NPR1: variants seen among roughly 807,000 people sequenced by gnomAD.
NPR1 encodes the protein atrial natriuretic peptide receptor 1.
NPR1 carries 57 observed loss-of-function variants against 116.9 expected under a neutral mutation model. The ratio of observed to expected loss-of-function variants is 0.49; its 90% confidence interval spans 0.39 to 0.61. The LOEUF (loss-of-function observed/expected upper bound fraction) is 0.61. NPR1 is among the 20% of genes least tolerant of loss of function. NPR1 has a pLI of 0.00. For synonymous variants in NPR1, 555 were observed against 601.6 expected, an observed-to-expected ratio of 0.92 and a Z score of 1.13; for missense variants, 1,096 against 1,409.8, an observed-to-expected ratio of 0.78 and a Z score of 3.56.
chr1:153,680,541 C>A lies in NPR1; in HGVS notation c.762C>A (p.Leu254=). The change falls in exon 2 of 22, where the codon CTC becomes CTA. Residue 254 remains leucine, a synonymous_variant. Transcript: ENST00000368680. ...GCTCCCCTGATGCCTTCAGAACCCT[C>A]ATGCTCCTGGCCCTGGAAGCTGGCT... ...ICSSPDAFRT[L]MLLALEAGLC... is the part of the protein sequence containing the mutation. 1 of 1,614,234 alleles carries A rather than the reference C, an allele frequency of 6.2e-7. No homozygotes were observed. The highest frequency in any genetic ancestry group is 8.5e-7 in the Non-Finnish European group (1 of 1,180,050).
At position 153,680,514 on chromosome 1, in the gene NPR1, C is replaced by A. The variant is rs1223465318; in HGVS notation, c.735C>A (p.Cys245Ter). The change falls in exon 2 of 22, where the codon TGC (cysteine) becomes TGA (stop). Residue 245 changes from cysteine to a stop codon, truncating the protein, a stop_gained. Coordinates refer to ENST00000368680, the MANE Select transcript of NPR1 (RefSeq NM_000906.4). LOFTEE classifies it high-confidence loss of function. ...MPRKGRVIYICSSPDAFRTLM... is the reference protein window; with the variant it reads ...MPRKGRVIYI ...GTCTTTCTCCAGTTATCTACATCTG[C>A]AGCTCCCCTGATGCCTTCAGAACCC... is the stretch of plus-strand genomic sequence containing the variant. The A allele has an allele frequency of 1.9e-6, 3 of 1,614,140 alleles. No homozygotes were observed. The highest frequency in any genetic ancestry group is 4.5e-5 in the East Asian group (2 of 44,878).
chr1:153,682,091 G>C (rs983521685), intron 4 of NPR1, among the ~76,000 whole-genome samples: 1 of 150,604 alleles, frequency 6.6e-6, no homozygotes, highest in Non-Finnish European at 1.5e-5. Context: ...GTCTCGCTCT[G>C]TCCCCAAGAC....
Position 153,683,384 on chromosome 1 carries a change from G to A in NPR1, c.1272G>A (p.Leu424=), listed in dbSNP as rs1669836601. The change falls in exon 6 of 22, where the codon CTG becomes CTA. Residue 424 remains leucine (L), a synonymous_variant. Coordinates refer to ENST00000368680, the MANE Select transcript of NPR1 (RefSeq NM_000906.4). Reference sequence around the variant, plus strand: ...CTCCTGCTCTCCCTTAGGTTGTACTGAACTACAATGGGACTTCCCAAGAGC... The same window carrying A: ...CTCCTGCTCTCCCTTAGGTTGTACTAAACTACAATGGGACTTCCCAAGAGC... ...DPENGAFRVV[L]NYNGTSQELV... The A allele has an allele frequency of 6.2e-7, 1 of 1,613,974 alleles. No individual in the cohort carries two copies. Among genetic ancestry groups the A allele is most frequent in the Non-Finnish European group, 8.5e-7 (1 of 1,180,002 alleles).
chr1:153,690,131 T>A, intron 19 of NPR1, 151 bp downstream of exon 19: 7 of 600,524 alleles, frequency 1.2e-5, no homozygotes, highest in Non-Finnish European at 1.7e-5. Context: ...TCTCTCTCTC[T>A]CTCTCTCTCT....
Position 153,693,656 on chromosome 1 carries a change from G to T in NPR1, c.*242G>T, listed in dbSNP as rs1041317200. 6 of 449,942 alleles carry T rather than the reference G, an allele frequency of 1.3e-5. No homozygotes were observed. In the East Asian group the frequency reaches 1.7e-4, roughly 13 times the overall value. 27.9% of individuals were successfully genotyped at this position (449,942 alleles called of 1,614,324 possible). A position where few individuals can be genotyped will look rare whatever the true frequency, so the allele number is the denominator to read the frequency against. ...GGCCATGCACAGGGACACTCACACA[G>T]GCACACGCACCTGCTCTCCACCTGG... is the stretch of plus-strand genomic sequence containing the variant. On this transcript the variant is annotated 3_prime_UTR_variant, in exon 22 of 22. Coordinates refer to ENST00000368680, the MANE Select transcript of NPR1 (RefSeq NM_000906.4).
chr1:153,690,322 C>T lies in NPR1; in HGVS notation c.2971C>T (p.Arg991Cys). ...CAGVVGLKMPRYCLFGDTVNT... is the reference protein window; with the variant it reads ...CAGVVGLKMPCYCLFGDTVNT... ...TGGAGTGGTGGGACTGAAGATGCCC[C>T]GTTACTGTCTCTTTGGGGATACAGT... Residue 991 changes from arginine (R) to cysteine (C), a missense_variant, in exon 20 of 22, where the codon CGT (arginine) becomes TGT (cysteine). Transcript: ENST00000368680. 1 of 1,560,914 alleles carries T rather than the reference C, an allele frequency of 6.4e-7. No individual in the cohort carries two copies. Among genetic ancestry groups the T allele is most frequent in the Non-Finnish European group, 8.7e-7 (1 of 1,151,232 alleles).
intron 8 of NPR1, 34 bp from the exon 9 acceptor site, chr1:153,685,772 G>A (rs746588341): frequency 5.4e-5 from 85 of 1,577,750 alleles, no homozygotes; most frequent in African/African-American, 6.7e-5. Context: ...TGGGCCCACC[G>A]GCTGACCATT....
Position 153,693,066 on chromosome 1 carries a change from C to G in NPR1, c.3032-40C>G, listed in dbSNP as rs1670148708. ...TGCCTCTACTTTCCTGCTCTCCTCTCTCACATTGCTCACCTTCCCTTCTCC... is the reference window on the plus strand; with the variant it reads ...TGCCTCTACTTTCCTGCTCTCCTCTGTCACATTGCTCACCTTCCCTTCTCC... On this transcript the variant is annotated intron_variant, in intron 20 of 21. Transcript: ENST00000368680. 3 of 1,525,788 alleles carry G rather than the reference C, an allele frequency of 2.0e-6. No homozygotes were observed. The African/African-American group carries it at 4.1e-5, about 21-fold the overall frequency. 94.5% of individuals were successfully genotyped at this position (1,525,788 alleles called of 1,614,324 possible).
chr1:153,683,370 C>T lies in NPR1; in HGVS notation c.1264-6C>T, dbSNP rs527745547. ...TGGCCTAGCCACCACTCCTGCTCTCCCTTAGGTTGTACTGAACTACAATGG... is the reference window on the plus strand; with the variant it reads ...TGGCCTAGCCACCACTCCTGCTCTCTCTTAGGTTGTACTGAACTACAATGG... On this transcript the variant is annotated splice_polypyrimidine_tract_variant and splice_region_variant and intron_variant, in intron 5 of 21. Transcript: ENST00000368680. The T allele has an allele frequency of 5.6e-6, 9 of 1,613,790 alleles. No individual in the cohort carries two copies. In the East Asian group the frequency reaches 1.8e-4, roughly 32 times the overall value.
intron 6 of NPR1, 54 bp from the exon 7 acceptor site, chr1:153,683,686 C>T: frequency 6.3e-7 from 1 of 1,583,386 alleles, no homozygotes; most frequent in East Asian, 2.2e-5. Flanking sequence ...AAAGTTCTTC[C>T]TCCTGCTGTC....
At chr1:153,691,926 A>G (rs12057911) in intron 20 of NPR1, among the ~76,000 whole-genome samples, 1,684 of 151,886 alleles carry the variant, frequency 0.011, 31 homozygotes, top group African/African-American at 0.039. Context: ...GAAAAGAAAG[A>G]AACTGTTAAA....
chr1:153,681,682 C>T (rs1571345697), intron 3 of NPR1, 22 bp from the exon 4 acceptor site: 17 of 1,610,518 alleles, frequency 1.1e-5, no homozygotes, highest in South Asian at 2.2e-5. Flanking sequence ...CCACCCCAGC[C>T]GACCTCTGTT....
intron 15 of NPR1, 26 bp from the exon 16 acceptor site, chr1:153,688,927 C>A (rs1278656249): frequency 6.2e-7 from 1 of 1,613,486 alleles, no homozygotes; most frequent in South Asian, 1.1e-5. Flanking sequence ...TCTCTTACCA[C>A]CCCCACCGCC....
intron 11 of NPR1, 76 bp downstream of exon 11, chr1:153,686,826 G>T: frequency 7.2e-7 from 1 of 1,395,982 alleles, no homozygotes; most frequent in South Asian, 1.2e-5. Flanking sequence ...AAGACCCCAG[G>T]CATGCCTCGC....
chr1:153,684,392 T>TC (rs1198840859), intron 7 of NPR1, among the ~76,000 whole-genome samples: 3 of 131,188 alleles, frequency 2.3e-5, no homozygotes, highest in East Asian at 2.2e-4. Context: ...CTTTCTTTTT[T>TC]TTTTTTTTTT....
chr1:153,681,907 C>T, intron 4 of NPR1, 68 bp downstream of exon 4: 1 of 1,577,040 alleles, frequency 6.3e-7, no homozygotes, highest in Non-Finnish European at 8.6e-7. Flanking sequence ...AGTGTCAAGC[C>T]ATGAGAAGCC....
At chr1:153,690,041 T>C in intron 19 of NPR1, 61 bp downstream of exon 19, 2 of 1,405,058 alleles carry the variant, frequency 1.4e-6, no homozygotes, top group Non-Finnish European at 1.9e-6. Flanking sequence ...GGGAAACTTG[T>C]CCCCTGGCCC....
chr1:153,680,177 C>G (rs944301300), intron 1 of NPR1, among the ~76,000 whole-genome samples: 1 of 150,006 alleles, frequency 6.7e-6, no homozygotes, highest in East Asian at 2.0e-4. Flanking sequence ...CATCCCCTCT[C>G]TTCTCCCCCT....
rs770994300 is a variant in NPR1 at position 153,686,083 on chromosome 1, A to G, written c.1681-40A>G. 7 of 1,596,724 alleles carry G rather than the reference A, an allele frequency of 4.4e-6. No individual in the cohort carries two copies. The Admixed American group carries it at 6.7e-5, about 15-fold the overall frequency. On this transcript the variant is annotated intron_variant, in intron 9 of 21. Transcript: ENST00000368680. ...GCAGCTGGAATTCCCAGGACATGGG[A>G]CCATGCTCTTCACAGTGACAGTCTC...
Sources: gnomAD v4.1 joint callset for allele counts (sites outside exome capture counted in the v4.1 genomes callset) on GRCh38, gnomAD v4.1.1 for gene constraint, MANE v1.5 for transcripts, NCBI Gene and HGNC (gene_info 2026-07-23, HGNC 2026-07-21) for gene names.